MYO1A: variants seen among roughly 807,000 people sequenced by gnomAD.
The protein encoded by MYO1A is myosin IA.
A neutral mutation model predicts 138.5 loss-of-function variants in MYO1A; 127 were observed. The ratio of observed to expected loss-of-function variants is 0.92; its 90% CI spans 0.79 to 1.06. MYO1A has a LOEUF of 1.06. MYO1A is among the 50% of genes least tolerant of loss of function. The pLI, the probability that MYO1A is intolerant of heterozygous loss-of-function variation, is 0.00. For synonymous variants in MYO1A, 477 were observed against 497.5 expected (o/e 0.96, Z 0.55); for missense variants, 1,211 against 1,288.8 (o/e 0.94, Z 0.92).
intron 6 of MYO1A, 67 bp downstream of exon 6, chr12:57,046,994 C>T: frequency 6.2e-7 from 1 of 1,610,926 alleles, no homozygotes; most frequent in South Asian, 1.1e-5. Context: ...TGGAAGGGGT[C>T]TGTGCCACAT....
chr12:57,032,743 T>G (rs2030344859), intron 22 of MYO1A, among the ~76,000 whole-genome samples: 1 of 151,584 alleles, frequency 6.6e-6, no homozygotes, highest in East Asian at 1.9e-4. Context: ...GATCAGAGAG[T>G]AGGTCGGGGC....
chr12:57,044,245 C>A, intron 8 of MYO1A, 36 bp from the exon 9 acceptor site: 2 of 1,568,244 alleles, frequency 1.3e-6, no homozygotes, highest in Non-Finnish European at 1.8e-6. Context: ...TGGTTAGTAC[C>A]CAGGCTCTCT....
chr12:57,029,029 G>A, intron 27 of MYO1A, 103 bp downstream of exon 27: 1 of 1,606,146 alleles, frequency 6.2e-7, no homozygotes, highest in Non-Finnish European at 8.5e-7. Flanking sequence ...CCAAGCCCCG[G>A]CCTGCACTGC....
upstream of MYO1A, chr12:57,050,626 G>A (rs1302677394): frequency 1.3e-5 from 2 of 152,232 alleles, no homozygotes; most frequent in Non-Finnish European, 2.9e-5. Context: ...GAGCTAAGCA[G>A]ACAAAATCCC....
At position 57,046,632 on chromosome 12, in the gene MYO1A, C is replaced by T. The variant is rs763952591; in HGVS notation, c.560G>A (p.Arg187Gln). 1.7e-5 allele frequency: 27 copies of T among 1,613,832 alleles called. No homozygotes were observed. The highest frequency in any genetic ancestry group is 1.1e-4 in the South Asian group (10 of 91,062). Residue 187 changes from arginine (R) to glutamine (Q), a missense_variant, in exon 8 of 28, where the codon CGA (arginine) becomes CAA (glutamine). By Grantham distance (43) the Arg-to-Gln change is conservative. Transcript: ENST00000300119. ...TTCTCCTTTGAGCTGCTTCACTAAT[C>T]GGGATTTCTCAAGCAGATCTGGCAG... ...VITNYLLEKS[R>Q]LVKQLKGERN... is the part of the protein sequence containing the mutation.
At position 57,038,420 on chromosome 12, in the gene MYO1A, G is replaced by T; in HGVS notation, c.1752C>A (p.Asn584Lys). The T allele has an allele frequency of 6.2e-7, 1 of 1,614,204 alleles. No individual in the cohort carries two copies. Among genetic ancestry groups the T allele is most frequent in the Non-Finnish European group, 8.5e-7 (1 of 1,180,026 alleles). ...GCATGCCAGCATGTCACCTGATGTAGTTGGGGCTCTTGGAATACAGATTCT... is the reference window on the plus strand; with the variant it reads ...GCATGCCAGCATGTCACCTGATGTATTTGGGGCTCTTGGAATACAGATTCT... ...LMKNLYSKSP[N>K]YIRCIKPNEH... is the part of the protein sequence containing the mutation. Residue 584 changes from asparagine (N) to lysine (K), a missense_variant, in exon 17 of 28, where the codon AAC becomes AAA. Transcript: ENST00000300119.
intron 8 of MYO1A, among the ~76,000 whole-genome samples, chr12:57,045,624 A>T (rs2031062338): frequency 6.6e-6 from 1 of 152,256 alleles, no homozygotes; most frequent in Admixed American, 6.5e-5. Flanking sequence ...AGAGTGGAAA[A>T]GGAGATAGCA....
At chr12:57,047,789 C>G in intron 3 of MYO1A, 68 bp from the exon 4 acceptor site, 1 of 1,596,508 alleles carries the variant, frequency 6.3e-7, no homozygotes, top group Non-Finnish European at 8.5e-7. Flanking sequence ...CACTCAATCT[C>G]CAGCACGCAG....
chr12:57,029,932 A>G, intron 24 of MYO1A, 60 bp from the exon 25 acceptor site: 2 of 1,613,284 alleles, frequency 1.2e-6, no homozygotes, highest in South Asian at 2.2e-5. Context: ...CCCCACCCCC[A>G]GAGTTCCCAT....
chr12:57,036,335 G>A lies in MYO1A; in HGVS notation c.2321C>T (p.Thr774Ile), dbSNP rs780657945. 8.7e-6 allele frequency: 14 copies of A among 1,613,722 alleles called. No homozygotes were observed. The South Asian group carries it at 1.4e-4, about 16-fold the overall frequency. ...RKYFRSEAALTLADFIYKSMV... is the reference protein window; with the variant it reads ...RKYFRSEAALILADFIYKSMV... ...GCTCTTGTAGATGAAATCTGCCAAG[G>A]TGAGGGCAGCCTCTGACCGGAAATA... The change falls in exon 22 of 28, where the codon ACC becomes ATC. Residue 774 changes from threonine (T) to isoleucine (I), a missense_variant. Thr to Ile is a moderately conservative substitution (Grantham distance 89). Coordinates refer to ENST00000300119, the MANE Select transcript of MYO1A (RefSeq NM_005379.4).
upstream of MYO1A, chr12:57,050,146 CA>C (rs1185408635): frequency 2.0e-5 from 3 of 152,326 alleles, no homozygotes; most frequent in African/African-American, 7.2e-5. Flanking sequence ...GATGGCTGAT[CA>C]GCACAAAGTC....
chr12:57,035,791 C>T (rs1478397862), intron 22 of MYO1A, among the ~76,000 whole-genome samples: 1 of 152,200 alleles, frequency 6.6e-6, no homozygotes, highest in Non-Finnish European at 1.5e-5. Flanking sequence ...TCCCATCCAG[C>T]CTGACCCACG....
In MYO1A at chr12:57,046,843, G is replaced by A. The variant is rs1272166501; in HGVS notation, c.541+20C>T. 10 of 1,612,816 alleles carry A rather than the reference G, an allele frequency of 6.2e-6. No homozygotes were observed. Among genetic ancestry groups the A allele is most frequent in the African/African-American group, 4.0e-5 (3 of 74,836 alleles). On this transcript the variant is annotated intron_variant, in intron 7 of 27. Coordinates refer to ENST00000300119, the MANE Select transcript of MYO1A (RefSeq NM_005379.4). The stretch of plus-strand genomic sequence containing the variant: ...GGAGGCAGGTGGAAGACAGGTGAGT[G>A]GAATTGGGGAGACACGTACAGTTTG...
chr12:57,037,164 A>G, intron 19 of MYO1A, 73 bp from the exon 20 acceptor site: 1 of 1,572,854 alleles, frequency 6.4e-7, no homozygotes, highest in South Asian at 1.1e-5. Context: ...TATACCCCAC[A>G]GTACTGAGGC....
intron 1 of MYO1A, among the ~76,000 whole-genome samples, chr12:57,049,495 C>T (rs2031261488): frequency 2.6e-5 from 4 of 152,162 alleles, no homozygotes; most frequent in Admixed American, 1.3e-4. Flanking sequence ...GAAAAGAGAG[C>T]ACTTGTCACT....
chr12:57,030,288 G>A lies in MYO1A; in HGVS notation c.2513C>T (p.Pro838Leu), dbSNP rs765830662. 7.3e-5 allele frequency: 118 copies of A among 1,613,984 alleles called. No homozygotes were observed. The highest frequency in any genetic ancestry group is 5.8e-4 in the Admixed American group (35 of 60,006). ...TTCCCTCAGGATCTCTACCTGCTTC[G>A]GGGACAGCTGATCCCGGAACCTCTT... ...KCKRFRDQLS[P>L]KQVEILREKL... Residue 838 changes from proline (P) to leucine (L), a missense_variant, in exon 24 of 28, where the codon CCG becomes CTG. By Grantham distance (98) the Pro-to-Leu change is moderately conservative. Transcript: ENST00000300119.
rs758918100 is a variant in MYO1A at position 57,029,472 on chromosome 12, C to G, written c.2840G>C (p.Ser947Thr). 6.2e-7 allele frequency: 1 copy of G among 1,614,220 alleles called. No individual in the cohort carries two copies. The highest frequency in any genetic ancestry group is 1.6e-4 in the Middle Eastern group (1 of 6,062). Residue 947 changes from serine to threonine, a missense_variant, in exon 26 of 28, where the codon AGC becomes ACC. Transcript: ENST00000300119. The part of the protein sequence containing the change: ...LDNVAGVSVT[S>T]LKDGLFSLHL... ...CAAGCTAAAGAGCCCATCCTTGAGG[C>G]TGGTGACTGACACCCCAGCCACATT...
intron 26 of MYO1A, 82 bp from the exon 27 acceptor site, chr12:57,029,341 G>A (rs1009607870): frequency 6.2e-5 from 100 of 1,612,010 alleles, no homozygotes; most frequent in South Asian, 7.7e-5. Context: ...GGCCCAGAGC[G>A]AAAGGTCTGG....
At chr12:57,030,796 A>T (rs1057266996) in intron 23 of MYO1A, among the ~76,000 whole-genome samples, 4 of 152,290 alleles carry the variant, frequency 2.6e-5, no homozygotes, top group Middle Eastern at 3.4e-3. Flanking sequence ...ACAGAGTTTC[A>T]GTTTGGGGTG....
Sources: allele counts gnomAD v4.1 joint callset (sites outside exome capture counted in the v4.1 genomes callset), GRCh38; gene constraint gnomAD v4.1.1; transcripts MANE v1.5; gene names NCBI Gene and HGNC (gene_info 2026-07-23, HGNC 2026-07-21).